The following TJP1 variants were observed in gnomAD, a reference collection of about 807,000 sequenced individuals.
The protein encoded by TJP1 is tight junction protein ZO-1.
TJP1 carries 43 observed loss-of-function variants against 194.2 expected under a neutral mutation model. That is an observed-to-expected ratio of 0.22 (90% CI 0.17 to 0.29). The LOEUF is 0.29. TJP1 is among the 10% of genes least tolerant of loss of function. TJP1 has a pLI of 1.00. For missense variants in TJP1, 1,971 were observed against 2,185.7 expected (o/e 0.90, Z 1.96); for synonymous variants, 801 against 779.0 (o/e 1.03, Z -0.47).
intron 1 of TJP1, 67 bp downstream of exon 1, chr15:29,821,935 C>A (rs2050401324): frequency 6.7e-6 from 8 of 1,193,898 alleles, no homozygotes; most frequent in Middle Eastern, 3.3e-4. Context: ...GGGACGCGGG[C>A]CAGATGCCGG....
At chr15:29,911,178 A>T (rs2054000571) in intron 2 of TJP1, among the ~76,000 whole-genome samples, 2 of 152,232 alleles carry the variant, frequency 1.3e-5, no homozygotes, top group African/African-American at 4.8e-5. Context: ...TGCCCACTGC[A>T]GCTGAGGTGG....
intron 8 of TJP1, among the ~76,000 whole-genome samples, chr15:29,758,603 G>A (rs915258722): frequency 3.9e-5 from 6 of 152,100 alleles, no homozygotes; most frequent in Admixed American, 6.6e-5. Flanking sequence ...TTTAAAAGGG[G>A]AAATCATGTC....
chr15:29,737,560 T>G (rs555630047), intron 10 of TJP1, 146 bp from the exon 11 acceptor site: 2 of 861,348 alleles, frequency 2.3e-6, no homozygotes, highest in South Asian at 2.5e-5. Context: ...TAAATAAAAT[T>G]TAGTGTTAGA....
chr15:29,799,801 C>A (rs560059646), intron 2 of TJP1, among the ~76,000 whole-genome samples: 1 of 152,046 alleles, frequency 6.6e-6, no homozygotes, highest in East Asian at 1.9e-4. Context: ...GGGCAGAGTC[C>A]AGCAACATGA....
At chr15:29,754,712 G>A (rs919436671) in intron 8 of TJP1, among the ~76,000 whole-genome samples, 2 of 152,130 alleles carry the variant, frequency 1.3e-5, no homozygotes, top group African/African-American at 2.4e-5. Flanking sequence ...TGGAATATGT[G>A]CATCATACTG....
chr15:29,761,105 C>T (rs2045972606), intron 8 of TJP1, 34 bp downstream of exon 8: 1 of 1,549,706 alleles, frequency 6.5e-7, no homozygotes, highest in Non-Finnish European at 8.7e-7. Flanking sequence ...GCAAACAAAA[C>T]CCCTGTATTT....
At chr15:29,800,493 TA>T in intron 2 of TJP1, 152 bp downstream of exon 2, 1 of 682,186 alleles carries the variant, frequency 1.5e-6, no homozygotes, top group Non-Finnish European at 2.5e-6. Context: ...TTGACCTTAA[TA>T]AAAAATTATT....
At chr15:29,879,118 C>T (rs1054171084) in intron 2 of TJP1, among the ~76,000 whole-genome samples, 81 of 151,998 alleles carry the variant, frequency 5.3e-4, no homozygotes, top group African/African-American at 1.8e-3. Flanking sequence ...AGTGAGACTC[C>T]GTCTCAAAAA....
chr15:29,768,405 T>C (rs1482812318), intron 4 of TJP1, among the ~76,000 whole-genome samples: 1 of 152,222 alleles, frequency 6.6e-6, no homozygotes, highest in Non-Finnish European at 1.5e-5. Flanking sequence ...ATTTCCAACA[T>C]ATTATATTGG....
At chr15:29,854,843 G>A in intron 2 of TJP1, among the ~76,000 whole-genome samples, 1 of 151,906 alleles carries the variant, frequency 6.6e-6, no homozygotes, top group East Asian at 1.9e-4. Flanking sequence ...CTTCAAACTG[G>A]CCTTGAATTC....
chr15:29,861,657 T>C (rs777863681), intron 2 of TJP1, among the ~76,000 whole-genome samples: 13 of 152,216 alleles, frequency 8.5e-5, no homozygotes, highest in Admixed American at 1.3e-4. Flanking sequence ...TGTTGATTCA[T>C]AAGAGTTATT....
intron 6 of TJP1, 123 bp downstream of exon 6, chr15:29,762,212 C>G: frequency 2.9e-6 from 2 of 698,586 alleles, no homozygotes; most frequent in Non-Finnish European, 4.7e-6. Context: ...ATATCCCTCT[C>G]CCCCAAACAC....
At chr15:29,802,673 A>G (rs1456442984) in intron 1 of TJP1, among the ~76,000 whole-genome samples, 2 of 152,116 alleles carry the variant, frequency 1.3e-5, no homozygotes, top group Admixed American at 6.5e-5. Context: ...CTAAACATCA[A>G]CAGTCCCACT....
intron 2 of TJP1, among the ~76,000 whole-genome samples, chr15:29,889,184 G>A (rs1341561798): frequency 6.6e-6 from 1 of 152,108 alleles, no homozygotes; most frequent in Admixed American, 6.5e-5. Context: ...AATATTCCAG[G>A]GGTCCTGTCA....
In TJP1 at chr15:29,716,814, T is replaced by C. The variant is rs200211164; in HGVS notation, c.3999A>G (p.Gln1333=). 5.0e-6 allele frequency: 8 copies of C among 1,602,206 alleles called. No individual in the cohort carries two copies. The highest frequency in any genetic ancestry group is 1.7e-4 in the Middle Eastern group (1 of 6,040). ...LYRIPEPQKP[Q]LKPPEDIVRS... ...GAACAATATCTTCAGGTGGCTTCAG[T>C]TGAGGTTTTTGAGGTTCTGGGATCC... is the stretch of plus-strand genomic sequence containing the variant. The change falls in exon 23 of 28, where the codon CAA becomes CAG. Residue 1333 remains glutamine (Q), a synonymous_variant. Coordinates refer to ENST00000614355, the MANE Select transcript of TJP1 (RefSeq NM_001330239.4).
chr15:29,963,365 T>C (rs2056226684), intron 1 of TJP1, among the ~76,000 whole-genome samples: 1 of 152,188 alleles, frequency 6.6e-6, no homozygotes, highest in East Asian at 1.9e-4. Flanking sequence ...TGTATGAGTC[T>C]GAGCAAGTCA....
At chr15:29,753,110 C>T (rs1401556239) in intron 8 of TJP1, among the ~76,000 whole-genome samples, 1 of 152,130 alleles carries the variant, frequency 6.6e-6, no homozygotes, top group Non-Finnish European at 1.5e-5. Flanking sequence ...CGAAAATTTA[C>T]TTTTTGTATT....
intron 3 of TJP1, 63 bp downstream of exon 3, chr15:29,773,170 G>A (rs17571101): frequency 0.022 from 35,261 of 1,590,674 alleles, 473 homozygotes; most frequent in South Asian, 0.033. Context: ...AAGACAGTAC[G>A]CCAGTGCCTG....
intron 15 of TJP1, chr15:29,730,727 G>A: frequency 2.6e-6 from 2 of 766,316 alleles, no homozygotes; most frequent in Non-Finnish European, 4.8e-6. Flanking sequence ...CCAAGAGAAA[G>A]GCTGAAGGGG....
Sources: gnomAD v4.1 joint callset for allele counts (sites outside exome capture counted in the v4.1 genomes callset) on GRCh38, gnomAD v4.1.1 for gene constraint, MANE v1.5 for transcripts, NCBI Gene and HGNC (gene_info 2026-07-23, HGNC 2026-07-21) for gene names.